The following CFAP91 variants were observed in gnomAD, a reference collection of about 807,000 sequenced individuals.
The protein encoded by CFAP91 is cilia and flagella associated protein 91.
A neutral mutation model predicts 95.9 loss-of-function variants in CFAP91; 85 were observed. The observed-to-expected ratio is 0.89, with a 90% CI of 0.74 to 1.06. The LOEUF is 1.06. Ranked by LOEUF, CFAP91 falls within the 50% of genes least tolerant of loss-of-function variation. The probability of loss-of-function intolerance (pLI) is 0.00; values close to 1 mark genes in which losing one functional copy is unlikely to be tolerated. For synonymous variants in CFAP91, 335 were observed against 327.5 expected, an observed-to-expected ratio of 1.02 and a Z score of -0.25; for missense variants, 962 against 943.4, an observed-to-expected ratio of 1.02 and a Z score of -0.26.
chr3:119,761,869 C>T (rs1318367774), intron 17 of CFAP91, among the ~76,000 whole-genome samples: 1 of 151,796 alleles, frequency 6.6e-6, no homozygotes, highest in Admixed American at 6.6e-5. Flanking sequence ...TATGACAAAC[C>T]CACAACTAAC....
chr3:119,762,263 T>TA (rs987789898), intron 17 of CFAP91, among the ~76,000 whole-genome samples: 1 of 69,490 alleles, frequency 1.4e-5, no homozygotes, highest in African/African-American at 2.1e-4. Context: ...ATAAAATACT[T>TA]ACTTAGGAGT....
chr3:119,740,447 C>T, intron 12 of CFAP91, 102 bp from the exon 13 acceptor site: 14 of 1,344,492 alleles, frequency 1.0e-5, no homozygotes, highest in Non-Finnish European at 1.3e-5. Context: ...AGGACAGAAC[C>T]CACTGTTCAC....
chr3:119,750,896 C>G (rs2054311847), intron 16 of CFAP91, 41 bp from the exon 17 acceptor site: 1 of 1,610,622 alleles, frequency 6.2e-7, no homozygotes. Context: ...TGGTTTTGTT[C>G]AGACTTTCAG....
intron 4 of CFAP91, among the ~76,000 whole-genome samples, 155 bp downstream of exon 4, chr3:119,708,829 T>G (rs1047578098): frequency 6.6e-6 from 1 of 152,192 alleles, no homozygotes. Context: ...AAAACAGGAA[T>G]GTAGGCTAAG....
chr3:119,747,569 T>C (rs932745270), intron 15 of CFAP91: 1 of 567,290 alleles, frequency 1.8e-6, no homozygotes, highest in Non-Finnish European at 3.1e-6. Context: ...CTGGCTTCTA[T>C]GTATAAGCTG....
chr3:119,714,212 A>G (rs1198396930), intron 5 of CFAP91, among the ~76,000 whole-genome samples: 2 of 151,864 alleles, frequency 1.3e-5, no homozygotes, highest in East Asian at 1.9e-4. Flanking sequence ...AATACAAAAA[A>G]AAAATTAGCC....
chr3:119,764,997 T>C (rs2054603535), intron 17 of CFAP91, 55 bp from the exon 18 acceptor site: 1 of 152,220 alleles, frequency 6.6e-6, no homozygotes, highest in African/African-American at 2.4e-5. Context: ...ATTGATCTGA[T>C]AATGTTTCTA....
At chr3:119,761,307 T>C (rs928299423) in intron 17 of CFAP91, among the ~76,000 whole-genome samples, 1 of 151,650 alleles carries the variant, frequency 6.6e-6, no homozygotes, top group Non-Finnish European at 1.5e-5. Flanking sequence ...GATTGAACCA[T>C]GAAGAAAATA....
At chr3:119,751,243 CT>C in intron 17 of CFAP91, 145 bp downstream of exon 17, 1 of 875,892 alleles carries the variant, frequency 1.1e-6, no homozygotes, top group South Asian at 2.0e-5. Context: ...CACATTTCCT[CT>C]AGTTTATGTT....
Position 119,747,895 on chromosome 3 carries a change from A to G in CFAP91, c.2136A>G (p.Lys712=), listed in dbSNP as rs779479581. The G allele has an allele frequency of 6.2e-7, 1 of 1,611,388 alleles. No individual in the cohort carries two copies. Among genetic ancestry groups the G allele is most frequent in the South Asian group, 1.1e-5 (1 of 90,832 alleles). The change falls in exon 16 of 18, where the codon AAA becomes AAG. Residue 712 remains lysine (K), a synonymous_variant. Transcript: ENST00000273390. The stretch of plus-strand genomic sequence containing the variant: ...CAGAGGTGCAAAAATACTTTGTCAA[A>G]GAAAAAGGTAAGCCAATGTAAATGC... ...LIPEVQKYFV[K]EKVRNAQRKH...
intron 12 of CFAP91, among the ~76,000 whole-genome samples, chr3:119,740,144 A>G (rs1421485747): frequency 6.6e-6 from 1 of 152,258 alleles, no homozygotes; most frequent in Non-Finnish European, 1.5e-5. Context: ...CCACAGTTAA[A>G]TTCAGACAAC....
chr3:119,732,794 A>G (rs1232799319), intron 9 of CFAP91, among the ~76,000 whole-genome samples: 3 of 152,266 alleles, frequency 2.0e-5, no homozygotes, highest in Admixed American at 2.0e-4. Context: ...AGAAATATGT[A>G]TAATGAAATC....
intron 9 of CFAP91, 126 bp from the exon 10 acceptor site, chr3:119,733,238 A>G: frequency 1.2e-6 from 1 of 868,640 alleles, no homozygotes; most frequent in Non-Finnish European, 1.7e-6. Flanking sequence ...ATTCTATTAT[A>G]TGAGATACAC....
chr3:119,706,886 GT>G lies in CFAP91; in HGVS notation c.201+2del. 1 of 1,610,454 alleles carries G rather than the reference GT, an allele frequency of 6.2e-7. No homozygotes were observed. The highest frequency in any genetic ancestry group is 8.5e-7 in the Non-Finnish European group (1 of 1,178,018). On this transcript the variant is annotated splice_donor_variant, in intron 2 of 17. Transcript: ENST00000273390. LOFTEE classifies it high-confidence loss of function. ...AGCTACCCTGATTCGCAGCAGACTG[GT>G]ATGTCTAATTCATCAGCCAAGGCTA...
At chr3:119,715,945 C>T (rs543182104) in intron 6 of CFAP91, 34 of 603,350 alleles carry the variant, frequency 5.6e-5, no homozygotes, top group Middle Eastern at 4.4e-4. Flanking sequence ...GTAGTTTTAT[C>T]GTACTCTATC....
rs1297666892 is a variant in CFAP91, at chr3:119,747,263, G to A, written c.2051G>A (p.Arg684His). 20 of 1,612,292 alleles carry A rather than the reference G, an allele frequency of 1.2e-5. No individual in the cohort carries two copies. Among genetic ancestry groups the A allele is most frequent in the South Asian group, 2.2e-5 (2 of 90,650 alleles). Reference protein sequence around the residue: ...INDIAYEMESRRTYLQSEEIV... With the variant: ...INDIAYEMESHRTYLQSEEIV... ...GACATTGCTTATGAAATGGAAAGCCGGTGTGTATCAAGAGAACAGATTGTA... is the reference window on the plus strand; with the variant it reads ...GACATTGCTTATGAAATGGAAAGCCAGTGTGTATCAAGAGAACAGATTGTA... Residue 684 changes from arginine to histidine, a missense_variant and splice_region_variant, in exon 15 of 18, where the codon CGC becomes CAC. Physicochemically the swap from Arg to His is conservative, Grantham distance 29. Coordinates refer to ENST00000273390, the MANE Select transcript of CFAP91 (RefSeq NM_033364.4).
chr3:119,706,156 A>G (rs868128489), intron 1 of CFAP91: 1 of 152,256 alleles, frequency 6.6e-6, no homozygotes, highest in Admixed American at 6.5e-5. Flanking sequence ...AAAGGGTGGT[A>G]CAGTATAGTC....
rs745786504 is a variant in CFAP91 at position 119,715,761 on chromosome 3, C to T, written c.682+18C>T. ...TACTTGGGGTGAGTTGGTAAATCTCCTGACTATTGGCAGATGACGATGCTG... is the reference window on the plus strand; with the variant it reads ...TACTTGGGGTGAGTTGGTAAATCTCTTGACTATTGGCAGATGACGATGCTG... On this transcript the variant is annotated intron_variant, in intron 6 of 17. Coordinates refer to ENST00000273390, the MANE Select transcript of CFAP91 (RefSeq NM_033364.4). The T allele has an allele frequency of 1.2e-6, 2 of 1,610,198 alleles. No individual in the cohort carries two copies. The highest frequency in any genetic ancestry group is 1.7e-6 in the Non-Finnish European group (2 of 1,176,412).
At chr3:119,730,525 G>C in intron 8 of CFAP91, 148 bp downstream of exon 8, 1 of 760,594 alleles carries the variant, frequency 1.3e-6, no homozygotes. Context: ...TTTCTTAAAG[G>C]TAGAAGAATG....
Sources: gnomAD v4.1 joint callset for allele counts (sites outside exome capture counted in the v4.1 genomes callset) on GRCh38, gnomAD v4.1.1 for gene constraint, MANE v1.5 for transcripts, NCBI Gene and HGNC (gene_info 2026-07-23, HGNC 2026-07-21) for gene names.